The following SMG7 variants were observed in gnomAD, a reference collection of about 807,000 sequenced individuals.
The protein encoded by SMG7 is nonsense-mediated mRNA decay factor SMG7.
A neutral mutation model predicts 148.2 loss-of-function variants in SMG7; 34 were observed. The ratio of observed to expected loss-of-function variants is 0.23; its 90% CI spans 0.17 to 0.31. The LOEUF (loss-of-function observed/expected upper bound fraction) is 0.31. Among genes scored for constraint, SMG7 ranks in the 10% least tolerant of loss-of-function variants. The pLI is 1.00. For synonymous variants in SMG7, 492 were observed against 515.1 expected, an observed-to-expected ratio of 0.96 and a Z score of 0.61; for missense variants, 1,114 against 1,408.4, an observed-to-expected ratio of 0.79 and a Z score of 3.35.
chr1:183,549,786 T>C lies in SMG7; in HGVS notation c.2996T>C (p.Met999Thr), dbSNP rs1353956949. 2 of 1,613,812 alleles carry C rather than the reference T, an allele frequency of 1.2e-6. No individual in the cohort carries two copies. The highest frequency in any genetic ancestry group is 2.7e-5 in the African/African-American group (2 of 75,014). The change falls in exon 20 of 23, where the codon ATG becomes ACG. Residue 999 changes from methionine to threonine, a missense_variant. Around this residue, in one of 4 missense-constraint regions of SMG7, gnomAD observed 788 missense variants for 894.5 expected, o/e 0.88. Transcript: ENST00000688051. ...LNQERYPNNS[M>T]FNEVYGKNLT... is the part of the protein sequence containing the mutation. ...CAGGAAAGATACCCAAATAATAGTA[T>C]GTTCAATGAGGTATATGGGAAAAAC...
chr1:183,477,639 CATATATACGTGTGTGCA>C (rs1652837012), intron 1 of SMG7, among the ~76,000 whole-genome samples: 2 of 76,966 alleles, frequency 2.6e-5, no homozygotes, highest in African/African-American at 1.1e-4. Flanking sequence ...TGTATATATG[CATATATACGTGTGTGCA>C]TATGTGTATA....
At chr1:183,525,525 G>A (rs1273841448) in intron 4 of SMG7, among the ~76,000 whole-genome samples, 2 of 152,158 alleles carry the variant, frequency 1.3e-5, no homozygotes, top group African/African-American at 4.8e-5. Flanking sequence ...TTAAAAGGTT[G>A]CTATAAAGTC....
chr1:183,516,172 G>C (rs1663484243), intron 3 of SMG7, 181 bp downstream of exon 3: 2 of 530,378 alleles, frequency 3.8e-6, no homozygotes, highest in Non-Finnish European at 6.7e-6. Context: ...GTCTTTGGAG[G>C]AGGTAAGAAG....
intron 17 of SMG7, among the ~76,000 whole-genome samples, 155 bp downstream of exon 17, chr1:183,546,492 A>T (rs1669954914): frequency 6.6e-6 from 1 of 152,198 alleles, no homozygotes; most frequent in African/African-American, 2.4e-5. Flanking sequence ...TTTCCTCCTC[A>T]GAGTTGCACA....
intron 1 of SMG7, among the ~76,000 whole-genome samples, chr1:183,480,376 T>A (rs1481624332): frequency 1.3e-5 from 2 of 152,166 alleles, no homozygotes; most frequent in African/African-American, 4.8e-5. Context: ...TACCATCTAC[T>A]TTTCCTTAAT....
intron 1 of SMG7, among the ~76,000 whole-genome samples, chr1:183,474,457 G>A (rs975844984): frequency 2.6e-5 from 4 of 152,174 alleles, no homozygotes; most frequent in Non-Finnish European, 1.5e-5. Flanking sequence ...CCGGCTACTC[G>A]GGAGGCTGAG....
At chr1:183,481,365 T>C (rs1654064568) in intron 1 of SMG7, among the ~76,000 whole-genome samples, 1 of 152,218 alleles carries the variant, frequency 6.6e-6, no homozygotes, top group Non-Finnish European at 1.5e-5. Context: ...CTCTGGTGAT[T>C]TCTGCATTCT....
chr1:183,541,192 CAT>C (rs1473570242), intron 13 of SMG7, 89 bp downstream of exon 13: 38 of 1,140,062 alleles, frequency 3.3e-5, no homozygotes, highest in African/African-American at 7.8e-5. Flanking sequence ...ACACACATCT[CAT>C]ATGTTACGTA....
At chr1:183,547,002 C>A in intron 17 of SMG7, 101 bp from the exon 18 acceptor site, 3 of 1,143,832 alleles carry the variant, frequency 2.6e-6, no homozygotes, top group South Asian at 1.6e-5. Flanking sequence ...ATCTCACTAT[C>A]CCCTTGACTT....
intron 1 of SMG7, among the ~76,000 whole-genome samples, chr1:183,501,945 A>C (rs1659822428): frequency 6.6e-6 from 1 of 152,108 alleles, no homozygotes; most frequent in African/African-American, 2.4e-5. Context: ...GGGCATTCTC[A>C]TCCTGGTCTT....
At chr1:183,525,014 C>T (rs1665553379) in intron 4 of SMG7, among the ~76,000 whole-genome samples, 1 of 152,008 alleles carries the variant, frequency 6.6e-6, no homozygotes, top group Non-Finnish European at 1.5e-5. Context: ...TTCTTGTTTA[C>T]TGGGTGTCTG....
chr1:183,505,541 C>A (rs1244976198), intron 1 of SMG7, among the ~76,000 whole-genome samples: 4 of 152,218 alleles, frequency 2.6e-5, no homozygotes, highest in Admixed American at 6.5e-5. Flanking sequence ...GTTTTAACTG[C>A]CATCAATGTA....
chr1:183,506,856 G>A (rs932559909), intron 1 of SMG7, among the ~76,000 whole-genome samples: 1 of 148,754 alleles, frequency 6.7e-6, no homozygotes, highest in African/African-American at 2.5e-5. Context: ...TTTAAACCAT[G>A]AATCTTAGAC....
intron 4 of SMG7, among the ~76,000 whole-genome samples, chr1:183,519,509 TAGAC>T (rs1370855224): frequency 5.9e-5 from 9 of 151,706 alleles, no homozygotes. Flanking sequence ...GGAGGTAAAT[TAGAC>T]AGAATCTTTA....
Position 183,554,111 on chromosome 1 carries a change from G to A in SMG7, c.*2180G>A, listed in dbSNP as rs1473357110. On this transcript the variant is annotated 3_prime_UTR_variant, in exon 23 of 23. Transcript: ENST00000688051. ...TTTTTTGTTTTGTTTTCTGGGTTTT[G>A]TTTTTTGTTTTTGTCTGTGCAAGAC... 6.6e-6 allele frequency: 1 copy of A among 152,546 alleles called. No individual in the cohort carries two copies. The highest frequency in any genetic ancestry group is 2.4e-5 in the African/African-American group (1 of 41,422). 9.4% of individuals were successfully genotyped at this position (152,546 alleles called of 1,614,324 possible).
rs138630590 is a variant in SMG7 at position 183,490,130 on chromosome 1, G to C, written c.29+17481G>C. Among the ~76,000 whole-genome samples, 4 of 152,358 alleles carry C rather than the reference G, an allele frequency of 2.6e-5. No homozygotes were observed. The East Asian group carries it at 7.7e-4, about 29-fold the overall frequency. Reference sequence around the variant, plus strand: ...TACAAGGACTGAGAAAAAGCTCTTAGATTGGTCAGGGAAGGTCATTGGTAA... The same window carrying C: ...TACAAGGACTGAGAAAAAGCTCTTACATTGGTCAGGGAAGGTCATTGGTAA... On this transcript the variant is annotated intron_variant, in intron 1 of 22. Transcript: ENST00000688051.
Position 183,553,274 on chromosome 1 carries a change from T to C in SMG7, c.*1343T>C. The C allele has an allele frequency of 7.3e-7, 1 of 1,361,176 alleles. No individual in the cohort carries two copies. The highest frequency in any genetic ancestry group is 2.5e-5 in the East Asian group (1 of 39,614). 84.3% of individuals were successfully genotyped at this position (1,361,176 alleles called of 1,614,324 possible). A position where few individuals can be genotyped will look rare whatever the true frequency, so the allele number is the denominator to read the frequency against. On this transcript the variant is annotated 3_prime_UTR_variant, in exon 23 of 23. Coordinates refer to ENST00000688051, the MANE Select transcript of SMG7 (RefSeq NM_001375584.1). ...TTGTGTAGAAACAGAAGGACAGCATTTCTGTTAGTCATTTCCTGGAAAAGT... is the reference window on the plus strand; with the variant it reads ...TTGTGTAGAAACAGAAGGACAGCATCTCTGTTAGTCATTTCCTGGAAAAGT...
At chr1:183,485,291 T>G (rs899655059) in intron 1 of SMG7, among the ~76,000 whole-genome samples, 1 of 152,194 alleles carries the variant, frequency 6.6e-6, no homozygotes, top group African/African-American at 2.4e-5. Context: ...TAAAACATAA[T>G]GTAATATGTA....
At chr1:183,525,553 G>C (rs1169286692) in intron 4 of SMG7, among the ~76,000 whole-genome samples, 1 of 152,162 alleles carries the variant, frequency 6.6e-6, no homozygotes, top group Non-Finnish European at 1.5e-5. Context: ...GAGTGTTTTA[G>C]CTCTGTTTTG....
Sources: gnomAD v4.1 joint callset for allele counts (sites outside exome capture counted in the v4.1 genomes callset) on GRCh38, gnomAD v4.1.1 for gene constraint, gnomAD v4.1.1 regional missense constraint, MANE v1.5 for transcripts, NCBI Gene and HGNC (gene_info 2026-07-23, HGNC 2026-07-21) for gene names.